Variants in CCSER2 observed in about 807,000 individuals in gnomAD.
CCSER2 encodes the protein serine-rich coiled-coil domain-containing protein 2.
A neutral mutation model predicts 92.3 loss-of-function variants in CCSER2; 46 were observed. That is an observed-to-expected ratio of 0.50 (90% confidence interval 0.39 to 0.64). CCSER2 has a LOEUF of 0.64. Among genes scored for constraint, CCSER2 ranks in the 30% least tolerant of loss-of-function variants. The pLI is 0.00. For missense variants in CCSER2, 1,244 were observed against 1,238.9 expected, an observed-to-expected ratio of 1.00 and a Z score of -0.06; for synonymous variants, 433 against 431.4, an observed-to-expected ratio of 1.00 and a Z score of -0.04.
intron 9 of CCSER2, among the ~76,000 whole-genome samples, chr10:84,478,690 A>G (rs1393662526): frequency 6.6e-6 from 1 of 152,242 alleles, no homozygotes; most frequent in African/African-American, 2.4e-5. Flanking sequence ...AATACAGACA[A>G]ATAAGGATTC....
At chr10:84,427,162 A>G (rs1305157405) in intron 5 of CCSER2, among the ~76,000 whole-genome samples, 2 of 152,178 alleles carry the variant, frequency 1.3e-5, no homozygotes, top group Non-Finnish European at 2.9e-5. Flanking sequence ...CTGAGGAGGG[A>G]AAAATGCACA....
chr10:84,336,544 T>G (rs1486472270), intron 1 of CCSER2, among the ~76,000 whole-genome samples: 1 of 152,118 alleles, frequency 6.6e-6, no homozygotes, highest in Non-Finnish European at 1.5e-5. Context: ...AGAGAGTACT[T>G]GATGAAGATA....
chr10:84,435,386 A>G (rs187581805), intron 5 of CCSER2, among the ~76,000 whole-genome samples: 86 of 152,330 alleles, frequency 5.6e-4, no homozygotes, highest in African/African-American at 1.9e-3. Context: ...TTATGTCAAT[A>G]TATGTCCATA....
At position 84,441,189 on chromosome 10, in the gene CCSER2, T is replaced by A. The variant is rs1449467122; in HGVS notation, c.2064+2482T>A. Among the ~76,000 whole-genome samples, 3 of 152,322 alleles carry A rather than the reference T, an allele frequency of 2.0e-5. No homozygotes were observed. In the East Asian group the frequency reaches 5.8e-4, roughly 29 times the overall value. On this transcript the variant is annotated intron_variant, in intron 6 of 9. Coordinates refer to ENST00000372088, the MANE Select transcript of CCSER2 (RefSeq NM_001284240.2). ...CAGAAACTAGAATTTCTGAATTGAA[T>A]CTCCTTACCTTTTTATTTTTTGTTA...
At chr10:84,351,487 CTCCCAAAA>C (rs1589419307) in intron 1 of CCSER2, among the ~76,000 whole-genome samples, 1 of 152,142 alleles carries the variant, frequency 6.6e-6, no homozygotes, top group African/African-American at 2.4e-5. Context: ...TCACCTTGGC[CTCCCAAAA>C]TCCCAAAATG....
intron 1 of CCSER2, among the ~76,000 whole-genome samples, chr10:84,334,829 A>C (rs144779237): frequency 6.6e-6 from 1 of 152,242 alleles, no homozygotes; most frequent in East Asian, 1.9e-4. Context: ...TTTTTTCTAC[A>C]ACCATTTGCT....
chr10:84,396,985 G>C (rs1258497895), intron 3 of CCSER2, among the ~76,000 whole-genome samples: 1 of 152,156 alleles, frequency 6.6e-6, no homozygotes. Flanking sequence ...TGCTAGTATA[G>C]AGCAGTATTA....
At chr10:84,461,610 T>C (rs779300350) in intron 6 of CCSER2, among the ~76,000 whole-genome samples, 12 of 152,138 alleles carry the variant, frequency 7.9e-5, no homozygotes, top group Non-Finnish European at 1.6e-4. Flanking sequence ...ATTTTGGTTT[T>C]TGACTCTTTT....
At chr10:84,439,420 A>G (rs1844391267) in intron 6 of CCSER2, among the ~76,000 whole-genome samples, 2 of 152,216 alleles carry the variant, frequency 1.3e-5, no homozygotes, top group Non-Finnish European at 2.9e-5. Context: ...TGTACTTTGT[A>G]GAATAGCCAA....
At chr10:84,435,660 GAAC>G (rs1844068442) in intron 5 of CCSER2, among the ~76,000 whole-genome samples, 4 of 117,056 alleles carry the variant, frequency 3.4e-5, no homozygotes, top group African/African-American at 1.5e-4. Context: ...AAAAAAACAA[GAAC>G]AACAAAAAAA....
chr10:84,350,186 T>C (rs1480751069), intron 1 of CCSER2, among the ~76,000 whole-genome samples: 2 of 152,090 alleles, frequency 1.3e-5, no homozygotes, highest in African/African-American at 4.8e-5. Flanking sequence ...GTACATCAGA[T>C]CGCATCACGC....
At chr10:84,511,160 C>T (rs1171415141) in intron 9 of CCSER2, among the ~76,000 whole-genome samples, 1 of 152,116 alleles carries the variant, frequency 6.6e-6, no homozygotes, top group East Asian at 1.9e-4. Flanking sequence ...TCTCGGTTGA[C>T]TCAACATTTT....
At chr10:84,373,579 A>G (rs1207467378) in intron 2 of CCSER2, 40 bp from the exon 3 acceptor site, 4 of 1,462,422 alleles carry the variant, frequency 2.7e-6, no homozygotes, top group East Asian at 2.3e-5. Flanking sequence ...ACGAGAAACA[A>G]TTATATTTTT....
intron 3 of CCSER2, among the ~76,000 whole-genome samples, chr10:84,412,777 G>T (rs1842717615): frequency 6.6e-6 from 1 of 152,168 alleles, no homozygotes; most frequent in Non-Finnish European, 1.5e-5. Context: ...GGGTACTTGA[G>T]ATAATGGGAG....
chr10:84,353,535 T>G (rs1203995903), intron 1 of CCSER2, among the ~76,000 whole-genome samples: 1 of 152,198 alleles, frequency 6.6e-6, no homozygotes, highest in Non-Finnish European at 1.5e-5. Context: ...TAACGTTTAG[T>G]AAGACCGAGT....
At chr10:84,508,177 C>T (rs1021493472) in intron 9 of CCSER2, among the ~76,000 whole-genome samples, 3 of 152,176 alleles carry the variant, frequency 2.0e-5, no homozygotes, top group Non-Finnish European at 4.4e-5. Flanking sequence ...CATTTTTTAA[C>T]CCCAGTTTAC....
At chr10:84,473,795 G>A (rs1380136767) in intron 8 of CCSER2, among the ~76,000 whole-genome samples, 1 of 152,098 alleles carries the variant, frequency 6.6e-6, no homozygotes, top group Non-Finnish European at 1.5e-5. Context: ...TTAGCTAAAT[G>A]GCACTGACAG....
At chr10:84,343,937 A>G (rs909964484) in intron 1 of CCSER2, among the ~76,000 whole-genome samples, 11 of 152,220 alleles carry the variant, frequency 7.2e-5, no homozygotes, top group Non-Finnish European at 1.0e-4. Context: ...GTATTTGACT[A>G]GTACTGTGAA....
Position 84,372,118 on chromosome 10 carries a change from G to A in CCSER2, c.1066G>A (p.Ala356Thr), listed in dbSNP as rs761103917. 5.6e-6 allele frequency: 9 copies of A among 1,613,466 alleles called. 1 individual carries two copies. In the South Asian group the frequency reaches 8.8e-5, roughly 16 times the overall value. Residue 356 changes from alanine to threonine, a missense_variant, in exon 2 of 10, where the codon GCT becomes ACT. Ala to Thr is a moderately conservative substitution (Grantham distance 58). Transcript: ENST00000372088. ...TCVEEDATVL[A>T]KDRAANKDQE... Reference sequence around the variant, plus strand: ...TGTAGAGGAAGATGCTACAGTTTTGGCTAAGGACAGAGCTGCTAATAAGGA... The same window carrying A: ...TGTAGAGGAAGATGCTACAGTTTTGACTAAGGACAGAGCTGCTAATAAGGA...
Sources: gnomAD v4.1 joint callset for allele counts (sites outside exome capture counted in the v4.1 genomes callset) on GRCh38, gnomAD v4.1.1 for gene constraint, MANE v1.5 for transcripts, NCBI Gene and HGNC (gene_info 2026-07-23, HGNC 2026-07-21) for gene names.